The following LAMA3 variants were observed in gnomAD, a reference collection of about 807,000 sequenced individuals.
LAMA3 encodes the protein laminin subunit alpha 3, also known as laminin subunit alpha-3.
In LAMA3, 281 loss-of-function variants were observed where a neutral mutation model predicts 402.0. That is an observed-to-expected ratio of 0.70 (90% CI 0.63 to 0.77). The LOEUF is 0.77. Ranked by LOEUF, LAMA3 falls within the 30% of genes least tolerant of loss-of-function variation. The pLI, the probability that LAMA3 is intolerant of heterozygous loss-of-function variation, is 0.00. For missense variants in LAMA3, 3,840 were observed against 4,215.5 expected (o/e 0.91, Z 2.47); for synonymous variants, 1,431 against 1,558.4 (o/e 0.92, Z 1.93).
intron 55 of LAMA3, among the ~76,000 whole-genome samples, chr18:23,911,894 G>A (rs968149009): frequency 2.8e-5 from 4 of 143,120 alleles, no homozygotes; most frequent in African/African-American, 7.6e-5. Context: ...TACATACAAT[G>A]TACATATAAT....
intron 32 of LAMA3, among the ~76,000 whole-genome samples, chr18:23,848,770 A>G (rs914803663): frequency 4.6e-5 from 7 of 152,176 alleles, no homozygotes; most frequent in Admixed American, 1.3e-4. Flanking sequence ...ATTCTTACAC[A>G]TTTCTGGAGC....
intron 32 of LAMA3, 63 bp from the exon 33 acceptor site, chr18:23,857,781 G>A: frequency 6.2e-7 from 1 of 1,605,954 alleles, no homozygotes; most frequent in Non-Finnish European, 8.5e-7. Context: ...TATAGTGTAA[G>A]TGAGCACTTT....
chr18:23,780,879 T>C (rs1297215276), intron 11 of LAMA3, among the ~76,000 whole-genome samples: 1 of 152,114 alleles, frequency 6.6e-6, no homozygotes, highest in African/African-American at 2.4e-5. Context: ...AACTGGGAAG[T>C]GATATGAAAA....
At chr18:23,853,432 C>A (rs2063991654) in intron 32 of LAMA3, among the ~76,000 whole-genome samples, 1 of 152,176 alleles carries the variant, frequency 6.6e-6, no homozygotes, top group Non-Finnish European at 1.5e-5. Flanking sequence ...CACCACCACA[C>A]CCGGCTAATT....
rs1489195926 is a variant in LAMA3 at position 23,947,799 on chromosome 18, C to G, written c.9351+1515C>G. ...TGTTAATGTTTACTTTTCTCAACCT[C>G]TGTTCCTATTTTCTTTTTTTTTTTT... is the stretch of plus-strand genomic sequence containing the variant. On this transcript the variant is annotated intron_variant, in intron 70 of 74. Coordinates refer to ENST00000313654, the MANE Select transcript of LAMA3 (RefSeq NM_198129.4). Among the ~76,000 whole-genome samples, 12 of 148,152 alleles carry G rather than the reference C, an allele frequency of 8.1e-5. No individual in the cohort carries two copies. The Admixed American group carries it at 8.4e-4, about 10-fold the overall frequency.
chr18:23,924,955 A>T (rs1465243153), intron 62 of LAMA3, among the ~76,000 whole-genome samples: 1 of 152,240 alleles, frequency 6.6e-6, no homozygotes, highest in Non-Finnish European at 1.5e-5. Context: ...TCTAAGGAAT[A>T]GTCAGCTGTT....
intron 29 of LAMA3, among the ~76,000 whole-genome samples, chr18:23,842,954 A>C (rs1448217598): frequency 6.6e-6 from 1 of 152,268 alleles, no homozygotes; most frequent in African/African-American, 2.4e-5. Flanking sequence ...GAACTAGGAC[A>C]GAAGAGAGTA....
At chr18:23,797,833 T>C (rs1598813776) in intron 12 of LAMA3, among the ~76,000 whole-genome samples, 1 of 152,236 alleles carries the variant, frequency 6.6e-6, no homozygotes, top group African/African-American at 2.4e-5. Context: ...CTCCAGACTT[T>C]CCTAAGTACA....
intron 2 of LAMA3, among the ~76,000 whole-genome samples, chr18:23,730,601 A>G (rs1194287386): frequency 1.3e-5 from 2 of 152,098 alleles, no homozygotes; most frequent in Non-Finnish European, 2.9e-5. Flanking sequence ...TCCTAACCTC[A>G]GGTGATCCGC....
intron 8 of LAMA3, among the ~76,000 whole-genome samples, chr18:23,765,803 T>C (rs770042565): frequency 1.1e-4 from 17 of 151,868 alleles, no homozygotes; most frequent in Non-Finnish European, 2.4e-4. Context: ...AACTAAAAAA[T>C]GCAATATGTT....
intron 12 of LAMA3, among the ~76,000 whole-genome samples, chr18:23,786,652 G>C (rs2062550834): frequency 6.6e-6 from 1 of 152,194 alleles, no homozygotes; most frequent in African/African-American, 2.4e-5. Context: ...GAAGACAATA[G>C]AAACCACTTT....
intron 6 of LAMA3, among the ~76,000 whole-genome samples, chr18:23,757,182 T>A (rs968377424): frequency 6.6e-6 from 1 of 151,848 alleles, no homozygotes; most frequent in African/African-American, 2.4e-5. Flanking sequence ...AAACAACCAC[T>A]ACCCAGCTCC....
chr18:23,932,165 G>A lies in LAMA3; in HGVS notation c.8582G>A (p.Arg2861Gln), dbSNP rs755917482. Residue 2861 changes from arginine to glutamine, a missense_variant, in exon 66 of 75, where the codon CGG (arginine) becomes CAG (glutamine). Around this residue, in one of 3 missense-constraint regions of LAMA3, gnomAD observed 840 missense variants for 981.9 expected, o/e 0.86. Coordinates refer to ENST00000313654, the MANE Select transcript of LAMA3 (RefSeq NM_198129.4). ...TTGCTTTTCTTCCCTTTCAGACTAC[G>A]GCTTCTCATCGATGACCAGCTTCTG... ...VSVISDNSGL[R>Q]LLIDDQLLRN... The A allele has an allele frequency of 1.3e-5, 21 of 1,613,750 alleles. 1 individual carries two copies. The East Asian group carries it at 1.6e-4, about 12-fold the overall frequency.
At chr18:23,778,529 C>T (rs372153206) in intron 11 of LAMA3, among the ~76,000 whole-genome samples, 12 of 152,326 alleles carry the variant, frequency 7.9e-5, no homozygotes, top group South Asian at 6.2e-4. Context: ...CAGGCCTCTG[C>T]GCTGGGTTCC....
chr18:23,845,612 C>G (rs1013624275), intron 30 of LAMA3, among the ~76,000 whole-genome samples: 3 of 152,204 alleles, frequency 2.0e-5, no homozygotes, highest in Non-Finnish European at 2.9e-5. Context: ...TCAGCTCCTG[C>G]CATTCTCTTC....
chr18:23,910,653 C>T (rs1200442816), intron 55 of LAMA3, among the ~76,000 whole-genome samples: 1 of 152,132 alleles, frequency 6.6e-6, no homozygotes, highest in African/African-American at 2.4e-5. Context: ...GTAGCATTAA[C>T]AGACATGGAT....
intron 67 of LAMA3, among the ~76,000 whole-genome samples, chr18:23,937,739 T>C (rs2082356587): frequency 6.6e-6 from 1 of 152,190 alleles, no homozygotes; most frequent in Non-Finnish European, 1.5e-5. Flanking sequence ...TTAATCTCAG[T>C]AGGATCAAGG....
intron 38 of LAMA3, among the ~76,000 whole-genome samples, chr18:23,874,908 G>A (rs2064654239): frequency 6.6e-6 from 1 of 152,190 alleles, no homozygotes; most frequent in African/African-American, 2.4e-5. Context: ...TTGTTGTCCA[G>A]GCTGGAGTGT....
intron 2 of LAMA3, among the ~76,000 whole-genome samples, chr18:23,715,180 T>G (rs1457756444): frequency 6.6e-6 from 1 of 151,952 alleles, no homozygotes; most frequent in Non-Finnish European, 1.5e-5. Flanking sequence ...CTAAAATTGA[T>G]GATGATGATG....
Sources: allele counts gnomAD v4.1 joint callset (sites outside exome capture counted in the v4.1 genomes callset), GRCh38; gene constraint gnomAD v4.1.1; regional missense constraint gnomAD v4.1.1; transcripts MANE v1.5; gene names NCBI Gene and HGNC (gene_info 2026-07-23, HGNC 2026-07-21).